ABHD12: variants seen among roughly 807,000 people sequenced by gnomAD.
ABHD12 encodes abhydrolase domain containing 12, lysophospholipase, also known as lysophosphatidylserine lipase ABHD12.
In ABHD12, 43 loss-of-function variants were observed where a neutral mutation model predicts 58.3. The observed-to-expected ratio is 0.74, with a 90% confidence interval of 0.58 to 0.95. ABHD12 has a LOEUF of 0.95. ABHD12 is among the 40% of genes least tolerant of loss of function. The pLI, the probability that ABHD12 is intolerant of heterozygous loss-of-function variation, is 0.00. For synonymous variants in ABHD12, 219 were observed against 211.2 expected (o/e 1.04, Z -0.32); for missense variants, 539 against 537.2 (o/e 1.00, Z -0.03).
chr20:25,307,721 C>T (rs112447079), intron 9 of ABHD12, among the ~76,000 whole-genome samples: 5 of 152,348 alleles, frequency 3.3e-5, no homozygotes, highest in South Asian at 2.1e-4. Context: ...CACGTGAGCC[C>T]GGCCTCCACT....
chr20:25,371,048 A>G (rs1240916618), intron 1 of ABHD12, among the ~76,000 whole-genome samples: 1 of 151,952 alleles, frequency 6.6e-6, no homozygotes, highest in Non-Finnish European at 1.5e-5. Context: ...CCCTCCCATC[A>G]TGAGCAAGCT....
chr20:25,389,646 G>A (rs2090142261), intron 1 of ABHD12, among the ~76,000 whole-genome samples: 1 of 152,152 alleles, frequency 6.6e-6, no homozygotes, highest in Non-Finnish European at 1.5e-5. Context: ...AGTTTTGAAA[G>A]TGGCTTTATA....
chr20:25,329,937 A>G (rs561110078), intron 2 of ABHD12, among the ~76,000 whole-genome samples: 1 of 152,230 alleles, frequency 6.6e-6, no homozygotes, highest in East Asian at 1.9e-4. Context: ...AAACAAATGC[A>G]TGGAATTGTG....
intron 1 of ABHD12, among the ~76,000 whole-genome samples, chr20:25,342,103 C>CAAA (rs11476197): frequency 4.7e-4 from 33 of 69,768 alleles, no homozygotes; most frequent in African/African-American, 1.3e-3. Context: ...AACTCTGTCT[C>CAAA]AAAAAAAAAA....
chr20:25,369,955 T>C (rs1184327034), intron 1 of ABHD12, among the ~76,000 whole-genome samples: 1 of 140,194 alleles, frequency 7.1e-6, no homozygotes, highest in African/African-American at 2.6e-5. Flanking sequence ...AAAAAGCCCT[T>C]TGTAGATTTT....
exon 13 of ABHD12, chr20:25,294,815 C>G: frequency 2.6e-6 from 2 of 773,520 alleles, no homozygotes; most frequent in South Asian, 2.8e-5. Flanking sequence ...GAGTTACAGA[C>G]TTTGTAAGGT....
chr20:25,387,365 A>G (rs903914189), intron 1 of ABHD12, among the ~76,000 whole-genome samples: 7 of 152,024 alleles, frequency 4.6e-5, no homozygotes, highest in African/African-American at 1.7e-4. Context: ...GTTGGAGACC[A>G]GTCTGGCCAA....
intron 8 of ABHD12, 50 bp downstream of exon 8, chr20:25,308,407 G>A (rs749139796): frequency 1.3e-6 from 2 of 1,597,994 alleles, no homozygotes; most frequent in Non-Finnish European, 8.5e-7. Flanking sequence ...CGGGACTGGG[G>A]AGCACCCTGA....
chr20:25,308,359 T>C (rs1047554744), intron 8 of ABHD12, 98 bp downstream of exon 8: 3 of 1,465,452 alleles, frequency 2.0e-6, no homozygotes, highest in African/African-American at 1.4e-5. Flanking sequence ...GTGCAGCTCA[T>C]GCTGCTCCAT....
intron 2 of ABHD12, among the ~76,000 whole-genome samples, chr20:25,330,475 G>T (rs1215235336): frequency 1.3e-5 from 2 of 152,252 alleles, no homozygotes; most frequent in Non-Finnish European, 2.9e-5. Flanking sequence ...GCTCAAGGAG[G>T]TCTGCCTGCC....
chr20:25,354,582 T>C (rs1236165172), intron 1 of ABHD12, among the ~76,000 whole-genome samples: 1 of 152,208 alleles, frequency 6.6e-6, no homozygotes, highest in Non-Finnish European at 1.5e-5. Context: ...CCATTGGAAC[T>C]GGACACAGCC....
intron 1 of ABHD12, among the ~76,000 whole-genome samples, chr20:25,367,395 C>T (rs2089837345): frequency 6.6e-6 from 1 of 152,168 alleles, no homozygotes; most frequent in South Asian, 2.1e-4. Context: ...AAATTTTACA[C>T]ATTTTTCCAA....
chr20:25,341,799 C>T (rs753694111), intron 1 of ABHD12, among the ~76,000 whole-genome samples: 11 of 152,000 alleles, frequency 7.2e-5, no homozygotes, highest in Non-Finnish European at 1.5e-4. Context: ...AGACTCAGGA[C>T]GTTATCCTGA....
intron 1 of ABHD12, among the ~76,000 whole-genome samples, chr20:25,379,722 C>T (rs967685550): frequency 6.6e-6 from 1 of 152,036 alleles, no homozygotes; most frequent in Non-Finnish European, 1.5e-5. Flanking sequence ...CATAGTGATG[C>T]TTTTATTTAT....
At chr20:25,314,119 C>T (rs959332875) in intron 6 of ABHD12, among the ~76,000 whole-genome samples, 2 of 151,870 alleles carry the variant, frequency 1.3e-5, no homozygotes, top group African/African-American at 2.4e-5. Context: ...ACTACAGGTG[C>T]GAGCCATTAC....
chr20:25,380,218 CT>C (rs1395379394), intron 1 of ABHD12, among the ~76,000 whole-genome samples: 5 of 152,040 alleles, frequency 3.3e-5, no homozygotes, highest in Non-Finnish European at 5.9e-5. Context: ...CATAACTCCA[CT>C]TAACTTCTGG....
downstream of ABHD12, chr20:25,296,347 T>TA: frequency 6.2e-7 from 1 of 1,613,752 alleles, no homozygotes. Context: ...CGCCAGAGAC[T>TA]AATTTCATCT....
chr20:25,382,707 C>T (rs1392314143), intron 1 of ABHD12, among the ~76,000 whole-genome samples: 5 of 152,166 alleles, frequency 3.3e-5, no homozygotes, highest in African/African-American at 9.7e-5. Flanking sequence ...CCCAAAGATA[C>T]CCCTCACAGT....
At chr20:25,299,578 C>T (rs1193734924), downstream of ABHD12, among the ~76,000 whole-genome samples, 5 of 151,940 alleles carry the variant, frequency 3.3e-5, no homozygotes, top group Admixed American at 1.3e-4. Flanking sequence ...CTGAAGTGTG[C>T]GACGAGGCCA....
Sources: gnomAD v4.1 joint callset for allele counts (sites outside exome capture counted in the v4.1 genomes callset) on GRCh38, gnomAD v4.1.1 for gene constraint, MANE v1.5 for transcripts, NCBI Gene and HGNC (gene_info 2026-07-23, HGNC 2026-07-21) for gene names.